Variants in AGO1 observed in about 807,000 individuals in gnomAD.
AGO1 encodes the protein argonaute RISC component 1, also known as protein argonaute-1.
Under a neutral mutation model 109.2 loss-of-function variants are expected in AGO1, and 11 were observed. That is an observed-to-expected ratio of 0.10 (90% CI 0.06 to 0.17). The LOEUF (loss-of-function observed/expected upper bound fraction) is 0.17, where lower values mean the gene tolerates loss of function less well. Among genes scored for constraint, AGO1 ranks in the 10% least tolerant of loss-of-function variants. The pLI, the probability that AGO1 is intolerant of heterozygous loss-of-function variation, is 1.00. For synonymous variants in AGO1, 422 were observed against 418.6 expected (o/e 1.01, Z -0.10); for missense variants, 574 against 1,140.3 (o/e 0.50, Z 7.15).
In AGO1 at chr1:35,907,087, T is replaced by C. The variant is rs1645536021; in HGVS notation, c.1550T>C (p.Ile517Thr). Residue 517 changes from isoleucine to threonine, a missense_variant, in exon 12 of 19, where the codon ATT (isoleucine) becomes ACT (threonine). Physicochemically the swap from Ile to Thr is moderately conservative, Grantham distance 89 (BLOSUM62 -1). Transcript: ENST00000373204. Reference protein sequence around the residue: ...KNTYSGLQLIIVILPGKTPVY... With the variant: ...KNTYSGLQLITVILPGKTPVY... ...ACCTACTCAGGGCTGCAGCTCATTA[T>C]TGTCATCCTGCCAGGGAAGACGCCG... is the stretch of plus-strand genomic sequence containing the variant. 3.1e-6 allele frequency: 5 copies of C among 1,614,008 alleles called. No individual in the cohort carries two copies. Among genetic ancestry groups the C allele is most frequent in the Non-Finnish European group, 2.5e-6 (3 of 1,179,930 alleles).
chr1:35,902,057 A>G lies in AGO1; in HGVS notation c.1250A>G (p.Gln417Arg). The change falls in exon 10 of 19, where the codon CAG becomes CGG. Residue 417 changes from glutamine (Q) to arginine (R), a missense_variant. Gln to Arg is a conservative substitution (Grantham distance 43, BLOSUM62 1). Transcript: ENST00000373204. ...TGRVLPAPIL[Q>R]YGGRNRAIAT... is the part of the protein sequence containing the mutation. Reference sequence around the variant, plus strand: ...CGAGTGCTGCCGGCGCCCATCTTGCAGTACGGCGGCCGGGTGAGCAGGGTC... The same window carrying G: ...CGAGTGCTGCCGGCGCCCATCTTGCGGTACGGCGGCCGGGTGAGCAGGGTC... The G allele has an allele frequency of 6.2e-7, 1 of 1,605,226 alleles. No individual in the cohort carries two copies. Among genetic ancestry groups the G allele is most frequent in the Non-Finnish European group, 8.5e-7 (1 of 1,175,812 alleles).
intron 12 of AGO1, among the ~76,000 whole-genome samples, chr1:35,908,550 T>C (rs2148719813): frequency 6.6e-6 from 1 of 152,292 alleles, no homozygotes; most frequent in African/African-American, 2.4e-5. Flanking sequence ...CTGTCCAACA[T>C]CTGGATATAT....
chr1:35,873,075 A>C lies in AGO1; in HGVS notation c.-201+3172A>C, dbSNP rs565570406. Reference sequence around the variant, plus strand: ...GTTACTTGTTTTTTTTTTTTATTGGAGTATTACTGTCTATGCTTAGCAAAG... The same window carrying C: ...GTTACTTGTTTTTTTTTTTTATTGGCGTATTACTGTCTATGCTTAGCAAAG... On this transcript the variant is annotated intron_variant, in intron 1 of 18. Coordinates refer to the AGO1 transcript ENST00000373206. Among the ~76,000 whole-genome samples, 44 of 149,054 alleles carry C rather than the reference A, an allele frequency of 3.0e-4. No homozygotes were observed. The South Asian group carries it at 7.0e-3, about 24-fold the overall frequency.
intron 8 of AGO1, among the ~76,000 whole-genome samples, chr1:35,895,906 C>CA (rs1411958599): frequency 6.6e-6 from 1 of 152,204 alleles, no homozygotes; most frequent in Non-Finnish European, 1.5e-5. Flanking sequence ...CAATGCTACT[C>CA]AAAAAGTGTG....
intron 8 of AGO1, among the ~76,000 whole-genome samples, chr1:35,896,587 G>C (rs1174919758): frequency 1.3e-5 from 2 of 152,026 alleles, no homozygotes; most frequent in Non-Finnish European, 2.9e-5. Flanking sequence ...CTGATCTCCT[G>C]GCCTCAAGTG....
chr1:35,891,438 A>T (rs189983617), intron 2 of AGO1, among the ~76,000 whole-genome samples: 1 of 152,160 alleles, frequency 6.6e-6, no homozygotes, highest in East Asian at 1.9e-4. Context: ...GTTTATTCTT[A>T]TTCCAGTTCA....
At chr1:35,885,136 G>A (rs1017304392) in intron 1 of AGO1, among the ~76,000 whole-genome samples, 3 of 152,074 alleles carry the variant, frequency 2.0e-5, no homozygotes, top group Admixed American at 1.3e-4. Context: ...AGCACAGGGA[G>A]CAACTGACTT....
intron 12 of AGO1, among the ~76,000 whole-genome samples, chr1:35,912,548 A>G (rs1408735742): frequency 6.6e-6 from 1 of 151,824 alleles, no homozygotes; most frequent in African/African-American, 2.4e-5. Context: ...CAAATAATTT[A>G]TGGCCTATTT....
intron 3 of AGO1, 120 bp downstream of exon 3, chr1:35,892,797 G>C: frequency 7.1e-7 from 1 of 1,414,170 alleles, no homozygotes. Context: ...GTATGTTTTA[G>C]GGTGAGGGGT....
rs929744265 is a variant in AGO1 at position 35,928,070 on chromosome 1, A to C, written c.*8463A>C. ...AGTAGAAAGTCCTAAGCAGAGTAGA[A>C]TAATAGCGGCAGCAGGGAGGGAAGT... On this transcript the variant is annotated 3_prime_UTR_variant, in exon 19 of 19. Coordinates refer to ENST00000373204, the MANE Select transcript of AGO1 (RefSeq NM_012199.5). 2 of 152,334 alleles carry C rather than the reference A, an allele frequency of 1.3e-5. No individual in the cohort carries two copies. Among genetic ancestry groups the C allele is most frequent in the African/African-American group, 4.8e-5 (2 of 41,568 alleles). The allele number at this position is 152,334 out of a possible 1,614,324, so 9.4% of individuals were successfully genotyped here. A position where few individuals can be genotyped will look rare whatever the true frequency, so the allele number is the denominator to read the frequency against.
chr1:35,891,410 T>G (rs1005564860), intron 2 of AGO1, among the ~76,000 whole-genome samples: 1 of 152,182 alleles, frequency 6.6e-6, no homozygotes, highest in Non-Finnish European at 1.5e-5. Flanking sequence ...ATGGAAGAGA[T>G]GAGATTTTTC....
At chr1:35,904,219 C>T (rs1645476544) in intron 11 of AGO1, among the ~76,000 whole-genome samples, 1 of 151,140 alleles carries the variant, frequency 6.6e-6, no homozygotes, top group Admixed American at 6.6e-5. Flanking sequence ...CAGTCTCCTG[C>T]CTCAGCCTCC....
At chr1:35,918,200 T>G (rs2148725447) in intron 16 of AGO1, 122 bp from the exon 17 acceptor site, 1 of 792,028 alleles carries the variant, frequency 1.3e-6, no homozygotes, top group East Asian at 2.4e-5. Flanking sequence ...TTCAGTACCC[T>G]CAGGGAATAG....
At chr1:35,871,469 G>A (rs1025942753) in intron 1 of AGO1, among the ~76,000 whole-genome samples, 1 of 152,016 alleles carries the variant, frequency 6.6e-6, no homozygotes, top group Admixed American at 6.6e-5. Context: ...CTTGAACCCA[G>A]GAGGCGGAAG....
rs1169982834 is a variant in AGO1 at position 35,928,632 on chromosome 1, A to G, written c.*9025A>G. On this transcript the variant is annotated 3_prime_UTR_variant, in exon 19 of 19. Transcript: ENST00000373204. ...AAATTGAGTTTTATTGAGTTGTAAG[A>G]GTTCTTTATTCATTTTAAACACAAG... is the stretch of plus-strand genomic sequence containing the variant. 6.6e-6 allele frequency: 1 copy of G among 152,116 alleles called. No individual in the cohort carries two copies. The highest frequency in any genetic ancestry group is 6.5e-5 in the Admixed American group (1 of 15,274). 9.4% of individuals were successfully genotyped at this position (152,116 alleles called of 1,614,324 possible). A position where few individuals can be genotyped will look rare whatever the true frequency, so the allele number is the denominator to read the frequency against.
Position 35,902,003 on chromosome 1 carries a change from T to C in AGO1, c.1196T>C (p.Val399Ala). The change falls in exon 10 of 19, where the codon GTG becomes GCG. Residue 399 changes from valine to alanine, a missense_variant. Coordinates refer to ENST00000373204, the MANE Select transcript of AGO1 (RefSeq NM_012199.5). ...TACATCCAGGAATTTGGGATCAAAG[T>C]GAAGGATGACATGACGGAGGTGACA... ...DPYIQEFGIK[V>A]KDDMTEVTGR... 6.2e-7 allele frequency: 1 copy of C among 1,611,600 alleles called. No homozygotes were observed. Among genetic ancestry groups the C allele is most frequent in the Non-Finnish European group, 8.5e-7 (1 of 1,178,936 alleles).
At chr1:35,912,867 C>T (rs1263638442) in intron 12 of AGO1, among the ~76,000 whole-genome samples, 5 of 150,528 alleles carry the variant, frequency 3.3e-5, no homozygotes, top group Non-Finnish European at 7.4e-5. Context: ...CCACCGTGCC[C>T]GGCTGGCCTA....
Position 35,901,717 on chromosome 1 carries a change from G to A in AGO1, c.1140+124G>A, listed in dbSNP as rs2148715446. ...GATTTGTTGCCTAGGACTGTATAAG[G>A]CTGCTTTTGCTTCTTGACCGTATAG... On this transcript the variant is annotated intron_variant, in intron 9 of 18. Transcript: ENST00000373204. This position sits in a 1 kb window ranked among gnomAD's most constrained non-coding sequence, Gnocchi z 4.8. The A allele has an allele frequency of 1.4e-6, 2 of 1,468,058 alleles. No homozygotes were observed. The highest frequency in any genetic ancestry group is 4.6e-5 in the East Asian group (2 of 43,754). The allele number at this position is 1,468,058 out of a possible 1,614,324, so 90.9% of individuals were successfully genotyped here. A position where few individuals can be genotyped will look rare whatever the true frequency, so the allele number is the denominator to read the frequency against.
chr1:35,904,108 C>CTTTT (rs1198233881), intron 11 of AGO1, among the ~76,000 whole-genome samples: 6 of 110,978 alleles, frequency 5.4e-5, no homozygotes, highest in Non-Finnish European at 8.4e-5. Context: ...TTCCTGAGCT[C>CTTTT]TTTTTTTTTT....
Sources: allele counts gnomAD v4.1 joint callset (sites outside exome capture counted in the v4.1 genomes callset), GRCh38; gene constraint gnomAD v4.1.1; non-coding constraint Gnocchi (gnomAD v3.1); transcripts MANE v1.5; gene names NCBI Gene and HGNC (gene_info 2026-07-23, HGNC 2026-07-21).